The following FBXO42 variants were observed in gnomAD, a reference collection of about 807,000 sequenced individuals.
FBXO42 encodes F-box only protein 42.
In FBXO42, 12 loss-of-function variants were observed where a neutral mutation model predicts 71.7. The ratio of observed to expected loss-of-function variants is 0.17; its 90% CI spans 0.11 to 0.27. The LOEUF is 0.27. FBXO42 is among the 10% of genes least tolerant of loss of function. FBXO42 has a pLI of 1.00. For missense variants in FBXO42, 707 were observed against 911.9 expected (o/e 0.78, Z 2.89); for synonymous variants, 325 against 327.5 (o/e 0.99, Z 0.08).
rs1272064614 is a variant in FBXO42 at position 16,305,841 on chromosome 1, G to A, written c.329C>T (p.Pro110Leu). The A allele has an allele frequency of 4.3e-6, 7 of 1,614,002 alleles. No homozygotes were observed. The Middle Eastern group carries it at 8.2e-4, about 189-fold the overall frequency. The change falls in exon 3 of 10, where the codon CCT (proline) becomes CTT (leucine). Residue 110 changes from proline to leucine, a missense_variant. Pro to Leu is a moderately conservative substitution (Grantham distance 98). This residue lies in a region of FBXO42 where 188 missense variants were observed against 230.5 expected (regional missense o/e 0.82). Coordinates refer to ENST00000375592, the MANE Select transcript of FBXO42 (RefSeq NM_018994.3). ...CTGAGTGATTGGGGTTCCAGGATAA[G>A]GATAGGTACGGCTCTCCCACTGAAT... Reference protein sequence around the residue: ...GNIQWESRTYPYPGTPITQRF... With the variant: ...GNIQWESRTYLYPGTPITQRF...
At chr1:16,315,560 C>T in intron 1 of FBXO42, 125 bp from the exon 2 acceptor site, 2 of 861,074 alleles carry the variant, frequency 2.3e-6, no homozygotes, top group Non-Finnish European at 3.5e-6. Context: ...CTCTTCAGCA[C>T]TTTCCAATAC....
At chr1:16,275,247 C>T (rs1320829715) in intron 4 of FBXO42, among the ~76,000 whole-genome samples, 1 of 152,100 alleles carries the variant, frequency 6.6e-6, no homozygotes, top group Non-Finnish European at 1.5e-5. Flanking sequence ...AACCCACAAC[C>T]CATCATCACT....
chr1:16,282,928 C>T (rs1454590018), intron 4 of FBXO42, among the ~76,000 whole-genome samples: 1 of 151,346 alleles, frequency 6.6e-6, no homozygotes, highest in Admixed American at 6.6e-5. Flanking sequence ...ATGCAGTGAG[C>T]TGAGATCACA....
chr1:16,341,683 G>A (rs1346986053), intron 1 of FBXO42, among the ~76,000 whole-genome samples: 1 of 148,606 alleles, frequency 6.7e-6, no homozygotes, highest in Non-Finnish European at 1.5e-5. Context: ...ATTCTTAAAA[G>A]TTCTGGGCCG....
chr1:16,336,124 G>A (rs1488698990), intron 1 of FBXO42, among the ~76,000 whole-genome samples: 1 of 151,404 alleles, frequency 6.6e-6, no homozygotes, highest in Non-Finnish European at 1.5e-5. Flanking sequence ...TTTTAGTAGA[G>A]ATGGGGTTTC....
rs1557563986 is a variant in FBXO42 at position 16,247,821 on chromosome 1, T to TAA, written c.*2848_*2849insTT. 6.6e-6 allele frequency: 1 copy of TAA among 151,956 alleles called. No individual in the cohort carries two copies. The highest frequency in any genetic ancestry group is 2.4e-5 in the African/African-American group (1 of 41,330). 9.4% of individuals were successfully genotyped at this position (151,956 alleles called of 1,614,324 possible). A position where few individuals can be genotyped will look rare whatever the true frequency, so the allele number is the denominator to read the frequency against. Reference sequence around the variant, plus strand: ...TGAAAACACAAAACCCGCTCTGCTGTATAACCTGTGAAATAAGAGAACAGG... The same window carrying TAA: ...TGAAAACACAAAACCCGCTCTGCTGTAAATAACCTGTGAAATAAGAGAACAGG... On this transcript the variant is annotated 3_prime_UTR_variant, in exon 10 of 10. Coordinates refer to ENST00000375592, the MANE Select transcript of FBXO42 (RefSeq NM_018994.3).
chr1:16,289,701 CA>C (rs1170175959), intron 4 of FBXO42, among the ~76,000 whole-genome samples: 1 of 152,110 alleles, frequency 6.6e-6, no homozygotes, highest in African/African-American at 2.4e-5. Flanking sequence ...AACAAACAAA[CA>C]AAAAGTCTCC....
intron 6 of FBXO42, among the ~76,000 whole-genome samples, chr1:16,253,992 C>A (rs1454543344): frequency 6.6e-6 from 1 of 152,168 alleles, no homozygotes; most frequent in Non-Finnish European, 1.5e-5. Context: ...GACTTTATCT[C>A]TAAAATGAAA....
chr1:16,347,992 CAAAAAAAA>C (rs541561756), intron 1 of FBXO42, among the ~76,000 whole-genome samples: 1 of 67,756 alleles, frequency 1.5e-5, no homozygotes, highest in Non-Finnish European at 3.0e-5. Context: ...GACTCCGTCT[CAAAAAAAA>C]AAAAAAAAAG....
intron 4 of FBXO42, among the ~76,000 whole-genome samples, chr1:16,263,660 T>G (rs2081738623): frequency 6.7e-6 from 1 of 150,262 alleles, no homozygotes. Context: ...GAGGCAGAGG[T>G]TGCAGTGAGC....
chr1:16,304,583 C>T (rs574724456), intron 3 of FBXO42, among the ~76,000 whole-genome samples: 1 of 152,266 alleles, frequency 6.6e-6, no homozygotes, highest in African/African-American at 2.4e-5. Flanking sequence ...CCCTCATGTA[C>T]AGCTTTCCTT....
intron 3 of FBXO42, among the ~76,000 whole-genome samples, chr1:16,303,393 T>C (rs532768493): frequency 3.0e-4 from 45 of 152,332 alleles, no homozygotes; most frequent in Middle Eastern, 6.8e-3. Context: ...CCCTGCCCCT[T>C]GCCTACTTCA....
chr1:16,255,703 G>A lies in FBXO42; in HGVS notation c.767+8C>T, dbSNP rs759217140. 1 of 1,610,362 alleles carries A rather than the reference G, an allele frequency of 6.2e-7. No homozygotes were observed. Among genetic ancestry groups the A allele is most frequent in the African/African-American group, 1.3e-5 (1 of 74,748 alleles). On this transcript the variant is annotated splice_region_variant and intron_variant, in intron 6 of 9. Coordinates refer to ENST00000375592, the MANE Select transcript of FBXO42 (RefSeq NM_018994.3). ...CAGGCTCATATGGAGCAAACCAAATGTACTTACATTTGCCGGGATCCTAAA... is the reference window on the plus strand; with the variant it reads ...CAGGCTCATATGGAGCAAACCAAATATACTTACATTTGCCGGGATCCTAAA...
At chr1:16,345,151 C>T (rs1039581855) in intron 1 of FBXO42, among the ~76,000 whole-genome samples, 5 of 151,704 alleles carry the variant, frequency 3.3e-5, no homozygotes, top group Non-Finnish European at 7.4e-5. Context: ...GAGCCAGGCG[C>T]GGCAGCTCAC....
chr1:16,321,522 T>TA (rs1039747074), intron 1 of FBXO42, among the ~76,000 whole-genome samples: 1 of 152,212 alleles, frequency 6.6e-6, no homozygotes, highest in Non-Finnish European at 1.5e-5. Context: ...ACATTTGTGT[T>TA]ACACCTTCTC....
chr1:16,257,052 G>T lies in FBXO42; in HGVS notation c.503-293C>A, dbSNP rs889297011. ...GGGATGAGAGTACCTATCTCATAAG[G>T]CTGTTTTGAGTATTAAATAGTATAT... On this transcript the variant is annotated intron_variant, in intron 4 of 9. Transcript: ENST00000375592. Among the ~76,000 whole-genome samples the T allele has an allele frequency of 1.6e-4, 24 of 152,140 alleles. No individual in the cohort carries two copies. In the Middle Eastern group the frequency reaches 0.01, roughly 65 times the overall value.
chr1:16,315,150 T>C lies in FBXO42; in HGVS notation c.250+19A>G, dbSNP rs749703006. ...GAAATTTGAAATCAATAAATAAACC[T>C]TTCTCCTATCCACAGTACCTTTGAT... On this transcript the variant is annotated intron_variant, in intron 2 of 9. Coordinates refer to ENST00000375592, the MANE Select transcript of FBXO42 (RefSeq NM_018994.3). 4 of 1,574,832 alleles carry C rather than the reference T, an allele frequency of 2.5e-6. No homozygotes were observed. In the East Asian group the frequency reaches 9.0e-5, roughly 36 times the overall value.
chr1:16,257,925 C>T (rs1022255657), intron 4 of FBXO42, among the ~76,000 whole-genome samples: 3 of 152,248 alleles, frequency 2.0e-5, no homozygotes, highest in Non-Finnish European at 4.4e-5. Flanking sequence ...AGGTGATCTA[C>T]CCGCTTTGGC....
At chr1:16,256,032 G>C (rs888902050) in intron 5 of FBXO42, among the ~76,000 whole-genome samples, 2 of 152,178 alleles carry the variant, frequency 1.3e-5, no homozygotes, top group African/African-American at 4.8e-5. Context: ...AAACGGTCTG[G>C]AGGGAGAGAG....
Sources: allele counts gnomAD v4.1 joint callset (sites outside exome capture counted in the v4.1 genomes callset), GRCh38; gene constraint gnomAD v4.1.1; regional missense constraint gnomAD v4.1.1; transcripts MANE v1.5; gene names NCBI Gene and HGNC (gene_info 2026-07-23, HGNC 2026-07-21).